Variants in RAPGEF1 observed in about 807,000 individuals in gnomAD.
RAPGEF1 encodes the protein Rap guanine nucleotide exchange factor 1.
RAPGEF1 carries 33 observed loss-of-function variants against 143.3 expected under a neutral mutation model. The ratio of observed to expected loss-of-function variants is 0.23; its 90% CI spans 0.17 to 0.31. The LOEUF is 0.31. Among genes scored for constraint, RAPGEF1 ranks in the 10% least tolerant of loss-of-function variants. RAPGEF1 has a pLI of 1.00. For missense variants in RAPGEF1, 1,199 were observed against 1,645.4 expected (o/e 0.73, Z 4.69); for synonymous variants, 629 against 676.5 (o/e 0.93, Z 1.09).
At chr9:131,616,694 C>T (rs931077417) in intron 12 of RAPGEF1, among the ~76,000 whole-genome samples, 1 of 152,144 alleles carries the variant, frequency 6.6e-6, no homozygotes. Flanking sequence ...AGGGGCACTC[C>T]TTCAGAGTTC....
At chr9:131,718,573 G>A (rs1355724785) in intron 1 of RAPGEF1, among the ~76,000 whole-genome samples, 2 of 152,194 alleles carry the variant, frequency 1.3e-5, no homozygotes, top group Non-Finnish European at 2.9e-5. Context: ...AATCGCAGGG[G>A]TTTACCGAGG....
chr9:131,668,289 T>C (rs777945840), intron 1 of RAPGEF1, among the ~76,000 whole-genome samples: 3 of 152,204 alleles, frequency 2.0e-5, no homozygotes, highest in Non-Finnish European at 2.9e-5. Flanking sequence ...CCCAATCAAG[T>C]GGTTAAATCA....
At chr9:131,739,514 G>A (rs1837617706) in intron 1 of RAPGEF1, among the ~76,000 whole-genome samples, 1 of 151,506 alleles carries the variant, frequency 6.6e-6, no homozygotes, top group African/African-American at 2.4e-5. Flanking sequence ...AGCGGCTAGC[G>A]CGCCCGGCCC....
At chr9:131,695,121 G>A (rs1283807523) in intron 1 of RAPGEF1, among the ~76,000 whole-genome samples, 1 of 151,968 alleles carries the variant, frequency 6.6e-6, no homozygotes, top group Non-Finnish European at 1.5e-5. Flanking sequence ...TGTAACCCAA[G>A]TGGCTAAAAC....
intron 19 of RAPGEF1, 38 bp from the exon 20 acceptor site, chr9:131,589,024 G>GC: frequency 6.3e-7 from 1 of 1,590,060 alleles, no homozygotes. Flanking sequence ...GAGCAGGAAC[G>GC]CAAGGCCCAG....
chr9:131,659,870 G>A (rs1973525622), intron 1 of RAPGEF1, among the ~76,000 whole-genome samples: 2 of 152,106 alleles, frequency 1.3e-5, no homozygotes, highest in Admixed American at 6.5e-5. Flanking sequence ...CCAGGCTGGA[G>A]TGCAGTGGCG....
intron 20 of RAPGEF1, among the ~76,000 whole-genome samples, chr9:131,588,504 T>C (rs1386890684): frequency 1.3e-5 from 2 of 152,216 alleles, no homozygotes; most frequent in African/African-American, 4.8e-5. Flanking sequence ...CACTGCCATG[T>C]TCGTGCTGGG....
chr9:131,733,645 C>G (rs899576647), intron 1 of RAPGEF1, among the ~76,000 whole-genome samples: 1 of 152,038 alleles, frequency 6.6e-6, no homozygotes, highest in Non-Finnish European at 1.5e-5. Context: ...AGACGGGTGA[C>G]GAGTCAGAGG....
intron 12 of RAPGEF1, among the ~76,000 whole-genome samples, chr9:131,609,961 G>A (rs536606138): frequency 9.2e-5 from 14 of 152,276 alleles, no homozygotes; most frequent in African/African-American, 3.4e-4. Context: ...CAGTGATGCG[G>A]TCTTGGCTCA....
intron 1 of RAPGEF1, chr9:131,709,544 T>A: frequency 2.1e-6 from 3 of 1,408,416 alleles, no homozygotes; most frequent in Non-Finnish European, 3.0e-6. Context: ...GCACTTCAGC[T>A]CTGCTGCTGG....
chr9:131,716,727 C>T (rs1337207266), intron 1 of RAPGEF1, among the ~76,000 whole-genome samples: 5 of 152,138 alleles, frequency 3.3e-5, no homozygotes, highest in Non-Finnish European at 5.9e-5. Context: ...GAGCCAAGAT[C>T]GCGCCATTGC....
At chr9:131,661,054 T>C (rs1173466437) in intron 1 of RAPGEF1, among the ~76,000 whole-genome samples, 3 of 152,154 alleles carry the variant, frequency 2.0e-5, no homozygotes, top group South Asian at 2.1e-4. Context: ...ACTATCGGTG[T>C]TGTGGATGAA....
In RAPGEF1 at chr9:131,628,158, G is replaced by A; in HGVS notation, c.1018-62C>T. The A allele has an allele frequency of 7.1e-7, 1 of 1,398,910 alleles. No homozygotes were observed. Among genetic ancestry groups the A allele is most frequent in the Non-Finnish European group, 9.5e-7 (1 of 1,057,346 alleles). 86.7% of individuals were successfully genotyped at this position (1,398,910 alleles called of 1,614,324 possible). Reference sequence around the variant, plus strand: ...CTGAGAAACGGTGGCACAGACCAGGGGTGAGGCAACCGGTGCATTTACTTA... The same window carrying A: ...CTGAGAAACGGTGGCACAGACCAGGAGTGAGGCAACCGGTGCATTTACTTA... On this transcript the variant is annotated intron_variant, in intron 8 of 26. Coordinates refer to ENST00000683357, the MANE Select transcript of RAPGEF1 (RefSeq NM_001377935.1). The surrounding 1 kb of genome is among the most constrained non-coding windows in gnomAD (Gnocchi z 5.7).
intron 1 of RAPGEF1, among the ~76,000 whole-genome samples, chr9:131,713,922 ATTAT>A (rs1390178936): frequency 6.6e-6 from 1 of 152,238 alleles, no homozygotes; most frequent in Non-Finnish European, 1.5e-5. Flanking sequence ...ATTGAAAAAA[ATTAT>A]TTACCCTCAC....
chr9:131,658,236 C>A (rs1339197661), intron 1 of RAPGEF1, among the ~76,000 whole-genome samples: 1 of 152,228 alleles, frequency 6.6e-6, no homozygotes, highest in African/African-American at 2.4e-5. Context: ...TACAGTCCCA[C>A]TAGCAAGGTT....
In RAPGEF1 at chr9:131,690,398, G is replaced by A. The variant is rs139387667; in HGVS notation, c.62-39449C>T. On this transcript the variant is annotated intron_variant, in intron 1 of 26. Coordinates refer to ENST00000683357, the MANE Select transcript of RAPGEF1 (RefSeq NM_001377935.1). ...AAGGTTTGTGGAAGATGAATCTTGTGAAAGGAATTTTATGTTTGATCGAGC... is the reference window on the plus strand; with the variant it reads ...AAGGTTTGTGGAAGATGAATCTTGTAAAAGGAATTTTATGTTTGATCGAGC... Among the ~76,000 whole-genome samples, 798 of 152,328 alleles carry A rather than the reference G, an allele frequency of 5.2e-3. 6 individuals carry two copies. Among genetic ancestry groups the A allele is most frequent in the African/African-American group, 0.019 (778 of 41,578 alleles).
chr9:131,591,974 A>G (rs1049723476), intron 18 of RAPGEF1, 125 bp downstream of exon 18: 7 of 688,080 alleles, frequency 1.0e-5, no homozygotes, highest in Non-Finnish European at 1.7e-5. Flanking sequence ...CTGTGTCCCT[A>G]CTTCAATCAC....
At chr9:131,703,781 T>C (rs1834842731) in intron 1 of RAPGEF1, among the ~76,000 whole-genome samples, 2 of 152,220 alleles carry the variant, frequency 1.3e-5, no homozygotes. Flanking sequence ...TGAAAGGCAG[T>C]GACCACTGCT....
At position 131,577,286 on chromosome 9, in the gene RAPGEF1, G is replaced by A. The variant is rs1303704313; in HGVS notation, c.*2211C>T. ...GGGCCCTGCTGCTCAGAACACCAAG[G>A]GCTCCCAGTGAGGGCCTGGGGAATT... On this transcript the variant is annotated 3_prime_UTR_variant, in exon 27 of 27. Transcript: ENST00000683357. The A allele has an allele frequency of 1.3e-5, 2 of 152,408 alleles. No individual in the cohort carries two copies. The highest frequency in any genetic ancestry group is 2.9e-5 in the Non-Finnish European group (2 of 68,158). 9.4% of individuals were successfully genotyped at this position (152,408 alleles called of 1,614,324 possible). A position where few individuals can be genotyped will look rare whatever the true frequency, so the allele number is the denominator to read the frequency against.
Sources: gnomAD v4.1 joint callset for allele counts (sites outside exome capture counted in the v4.1 genomes callset) on GRCh38, gnomAD v4.1.1 for gene constraint, Gnocchi (gnomAD v3.1) non-coding constraint, MANE v1.5 for transcripts, NCBI Gene and HGNC (gene_info 2026-07-23, HGNC 2026-07-21) for gene names.